Variants in MLLT3 observed in about 807,000 individuals in gnomAD.
The protein encoded by MLLT3 is protein AF-9.
A neutral mutation model predicts 53.2 loss-of-function variants in MLLT3; 4 were observed. The ratio of observed to expected loss-of-function variants is 0.08; its 90% CI spans 0.04 to 0.17. The LOEUF (loss-of-function observed/expected upper bound fraction) is 0.17. Ranked by LOEUF, MLLT3 falls within the 10% of genes least tolerant of loss-of-function variation. The pLI, the probability that MLLT3 is intolerant of heterozygous loss-of-function variation, is 1.00. For synonymous variants in MLLT3, 283 were observed against 230.6 expected, an observed-to-expected ratio of 1.23 and a Z score of -2.06; for missense variants, 569 against 684.0, an observed-to-expected ratio of 0.83 and a Z score of 1.87.
chr9:20,558,051 T>C (rs1166338832), intron 2 of MLLT3, among the ~76,000 whole-genome samples: 1 of 152,144 alleles, frequency 6.6e-6, no homozygotes, highest in Non-Finnish European at 1.5e-5. Context: ...TTGGCTGTAG[T>C]TCACTTTTTA....
chr9:20,401,763 A>C (rs1822462570), intron 5 of MLLT3, among the ~76,000 whole-genome samples: 1 of 152,206 alleles, frequency 6.6e-6, no homozygotes. Flanking sequence ...GTCTAACTGC[A>C]AGGAAGGCTG....
chr9:20,558,817 T>C (rs1819128447), intron 2 of MLLT3, among the ~76,000 whole-genome samples: 1 of 152,248 alleles, frequency 6.6e-6, no homozygotes, highest in Admixed American at 6.5e-5. Flanking sequence ...TGGCATCATT[T>C]GCATCAGCAA....
chr9:20,415,195 G>C (rs1822841340), intron 4 of MLLT3, among the ~76,000 whole-genome samples: 1 of 152,060 alleles, frequency 6.6e-6, no homozygotes, highest in South Asian at 2.1e-4. Context: ...CATCAGTTAA[G>C]AACTGTATCT....
At chr9:20,396,107 C>A (rs1287679249) in intron 5 of MLLT3, among the ~76,000 whole-genome samples, 1 of 151,736 alleles carries the variant, frequency 6.6e-6, no homozygotes, top group African/African-American at 2.4e-5. Context: ...ACCTCATGAA[C>A]AGAAACTATC....
chr9:20,367,195 T>G (rs530205413), intron 5 of MLLT3, among the ~76,000 whole-genome samples: 3 of 152,090 alleles, frequency 2.0e-5, no homozygotes, highest in East Asian at 3.9e-4. Context: ...TGAATTCTCC[T>G]TATCCTTTTC....
intron 2 of MLLT3, among the ~76,000 whole-genome samples, chr9:20,581,302 T>C (rs1412159660): frequency 6.6e-6 from 1 of 152,172 alleles, no homozygotes; most frequent in African/African-American, 2.4e-5. Flanking sequence ...AGCAAGAAAT[T>C]ACATAAACAA....
At chr9:20,493,466 C>T (rs528270934) in intron 2 of MLLT3, among the ~76,000 whole-genome samples, 1 of 152,090 alleles carries the variant, frequency 6.6e-6, no homozygotes, top group African/African-American at 2.4e-5. Context: ...ACTTCACAGA[C>T]AAGTCTTTAA....
chr9:20,544,251 A>C (rs144180100), intron 2 of MLLT3, among the ~76,000 whole-genome samples: 175 of 152,332 alleles, frequency 1.1e-3, no homozygotes, highest in African/African-American at 3.9e-3. Flanking sequence ...CGGATTTGGG[A>C]GGGATTTCTT....
chr9:20,536,301 C>CT (rs1435212513), intron 2 of MLLT3, among the ~76,000 whole-genome samples: 20 of 152,310 alleles, frequency 1.3e-4, no homozygotes, highest in African/African-American at 4.3e-4. Context: ...GCTCATACTT[C>CT]TAGCTCATGC....
chr9:20,434,018 G>T (rs1160412814), intron 4 of MLLT3, among the ~76,000 whole-genome samples: 1 of 152,048 alleles, frequency 6.6e-6, no homozygotes, highest in Admixed American at 6.5e-5. Context: ...CTACTCAGGA[G>T]GATGAGGCAG....
At chr9:20,466,419 C>T (rs999583341) in intron 2 of MLLT3, among the ~76,000 whole-genome samples, 2 of 152,132 alleles carry the variant, frequency 1.3e-5, no homozygotes, top group African/African-American at 4.8e-5. Flanking sequence ...ACTGTTCAAA[C>T]GCATTTACAT....
chr9:20,354,620 C>T (rs1308015576), intron 9 of MLLT3, among the ~76,000 whole-genome samples, 188 bp downstream of exon 9: 1 of 152,168 alleles, frequency 6.6e-6, no homozygotes, highest in African/African-American at 2.4e-5. Context: ...AAGCTTAATA[C>T]TGAAGATATA....
chr9:20,450,126 T>C (rs1028574342), intron 3 of MLLT3, among the ~76,000 whole-genome samples: 1 of 152,218 alleles, frequency 6.6e-6, no homozygotes, highest in Non-Finnish European at 1.5e-5. Flanking sequence ...TTCTAACTGC[T>C]TGCCAAGGTT....
At chr9:20,383,559 G>A (rs1278991157) in intron 5 of MLLT3, among the ~76,000 whole-genome samples, 1 of 151,792 alleles carries the variant, frequency 6.6e-6, no homozygotes, top group African/African-American at 2.4e-5. Context: ...TATCGCTAAT[G>A]TTAGAATGTT....
Position 20,612,041 on chromosome 9 carries a change from T to C in MLLT3, c.193+8613A>G, listed in dbSNP as rs1441645429. Among the ~76,000 whole-genome samples the C allele has an allele frequency of 4.6e-5, 7 of 152,196 alleles. No homozygotes were observed. The South Asian group carries it at 1.2e-3, about 27-fold the overall frequency. ...TTTTCCTTTTAAACAGCATCTACCA[T>C]GGTTACCACCACTTAATTAAATCCT... On this transcript the variant is annotated intron_variant, in intron 2 of 10. Transcript: ENST00000380338.
At chr9:20,488,085 C>G (rs1200711443) in intron 2 of MLLT3, among the ~76,000 whole-genome samples, 1 of 151,812 alleles carries the variant, frequency 6.6e-6, no homozygotes, top group Non-Finnish European at 1.5e-5. Context: ...AATCTGATAC[C>G]CATAAACCAA....
At chr9:20,546,490 G>C (rs764633577) in intron 2 of MLLT3, among the ~76,000 whole-genome samples, 10 of 151,568 alleles carry the variant, frequency 6.6e-5, no homozygotes, top group Non-Finnish European at 2.9e-5. Context: ...GCTGCAGTGA[G>C]CTCTGATCAC....
At chr9:20,591,254 C>T (rs528893808) in intron 2 of MLLT3, among the ~76,000 whole-genome samples, 1 of 152,082 alleles carries the variant, frequency 6.6e-6, no homozygotes, top group East Asian at 1.9e-4. Flanking sequence ...AAGTTCCTGC[C>T]ACTACTGTAC....
Position 20,365,749 on chromosome 9 carries a change from A to G in MLLT3, c.1126-5T>C, listed in dbSNP as rs1357749741. On this transcript the variant is annotated splice_polypyrimidine_tract_variant and splice_region_variant and intron_variant, in intron 5 of 10. Coordinates refer to ENST00000380338, the MANE Select transcript of MLLT3 (RefSeq NM_004529.4). ...GGCAGGACTGGGTTGTTCAGACTTT[A>G]AAGAAGAATAAAAAGGCACCATCAA... The G allele has an allele frequency of 6.2e-7, 1 of 1,614,170 alleles. No individual in the cohort carries two copies. Among genetic ancestry groups the G allele is most frequent in the East Asian group, 2.2e-5 (1 of 44,880 alleles).
Sources: gnomAD v4.1 joint callset for allele counts (sites outside exome capture counted in the v4.1 genomes callset) on GRCh38, gnomAD v4.1.1 for gene constraint, MANE v1.5 for transcripts, NCBI Gene and HGNC (gene_info 2026-07-23, HGNC 2026-07-21) for gene names.